Variants in ANK1 observed in about 807,000 individuals in gnomAD.
The protein encoded by ANK1 is ankyrin-1.
In ANK1, 51 loss-of-function variants were observed where a neutral mutation model predicts 210.4. That is an observed-to-expected ratio of 0.24 (90% confidence interval 0.19 to 0.31). The LOEUF (loss-of-function observed/expected upper bound fraction) is 0.31, where lower values mean the gene tolerates loss of function less well. Among genes scored for constraint, ANK1 ranks in the 10% least tolerant of loss-of-function variants. The pLI, the probability that ANK1 is intolerant of heterozygous loss-of-function variation, is 1.00. For synonymous variants in ANK1, 967 were observed against 1,025.9 expected (o/e 0.94, Z 1.10); for missense variants, 2,051 against 2,504.4 (o/e 0.82, Z 3.86).
intron 22 of ANK1, 103 bp downstream of exon 22, chr8:41,701,447 C>T (rs1445902533): frequency 1.3e-5 from 13 of 1,001,552 alleles, no homozygotes; most frequent in Non-Finnish European, 1.9e-5. Context: ...AGTGCTTGGG[C>T]GTGTTGTAAG....
intron 2 of ANK1, among the ~76,000 whole-genome samples, chr8:41,739,521 CTTTTTTTTT>C (rs71239075): frequency 8.6e-6 from 1 of 116,114 alleles, no homozygotes; most frequent in East Asian, 2.5e-4. Flanking sequence ...TTTTTTCTTT[CTTTTTTTTT>C]TTTTTTTTTG....
intron 6 of ANK1, among the ~76,000 whole-genome samples, chr8:41,724,792 C>T (rs1252507616): frequency 1.3e-5 from 2 of 152,054 alleles, no homozygotes; most frequent in East Asian, 1.9e-4. Context: ...TCTGTGGGCC[C>T]GTTCGTCAGA....
At chr8:41,686,951 G>A (rs766635832) in intron 35 of ANK1, among the ~76,000 whole-genome samples, 1 of 152,036 alleles carries the variant, frequency 6.6e-6, no homozygotes, top group African/African-American at 2.4e-5. Flanking sequence ...ATCAGAACAC[G>A]CACATACAAC....
chr8:41,825,817 T>C (rs938704497), intron 1 of ANK1, among the ~76,000 whole-genome samples: 5 of 152,162 alleles, frequency 3.3e-5, no homozygotes, highest in Non-Finnish European at 7.3e-5. Flanking sequence ...CTGATGGTTC[T>C]ATAAAGGGGA....
chr8:41,720,401 T>C (rs904930379), intron 9 of ANK1, among the ~76,000 whole-genome samples: 1 of 152,162 alleles, frequency 6.6e-6, no homozygotes, highest in African/African-American at 2.4e-5. Flanking sequence ...CTGTTCCTTG[T>C]CCCTATCAAA....
In ANK1 at chr8:41,702,070, C is replaced by T; in HGVS notation, c.2370G>A (p.Thr790=). 1 of 1,614,150 alleles carries T rather than the reference C, an allele frequency of 6.2e-7. No individual in the cohort carries two copies. Among genetic ancestry groups the T allele is most frequent in the Non-Finnish European group, 8.5e-7 (1 of 1,180,008 alleles). ...ISVTDVLKVV[T]DETSFVLVSD... ...GACATACCACGAAACTGGTTTCATC[C>T]GTGACGACCTTGAGCACGTCGGTGA... Residue 790 remains threonine, a synonymous_variant, in exon 21 of 43, where the codon ACG becomes ACA. Coordinates refer to ENST00000289734, the MANE Select transcript of ANK1 (RefSeq NM_000037.4).
chr8:41,795,177 T>A (rs1394609796), intron 1 of ANK1, among the ~76,000 whole-genome samples: 1 of 152,236 alleles, frequency 6.6e-6, no homozygotes, highest in Non-Finnish European at 1.5e-5. Flanking sequence ...GCAGAGACAC[T>A]GGCAGAACCA....
intron 1 of ANK1, among the ~76,000 whole-genome samples, chr8:41,849,809 T>C (rs1316246220): frequency 6.6e-6 from 1 of 152,212 alleles, no homozygotes; most frequent in Non-Finnish European, 1.5e-5. Flanking sequence ...TCTCTCTTCC[T>C]CTTAACTCTT....
chr8:41,769,407 C>T (rs941083189), intron 1 of ANK1, among the ~76,000 whole-genome samples: 3 of 152,170 alleles, frequency 2.0e-5, no homozygotes, highest in African/African-American at 7.2e-5. Flanking sequence ...ACAGAGAACT[C>T]CAATTAATAA....
intron 1 of ANK1, among the ~76,000 whole-genome samples, chr8:41,825,383 C>G (rs1159278681): frequency 6.6e-6 from 1 of 152,264 alleles, no homozygotes; most frequent in Admixed American, 6.5e-5. Context: ...CTCGCCAGCT[C>G]TGTCCCCCCT....
At chr8:41,838,767 A>AAAAAATAAT (rs374459221) in intron 1 of ANK1, among the ~76,000 whole-genome samples, 119 of 140,542 alleles carry the variant, frequency 8.5e-4, no homozygotes, top group African/African-American at 2.9e-3. Flanking sequence ...TCCGTCTCAA[A>AAAAAATAAT]AATAATAATA....
intron 1 of ANK1, among the ~76,000 whole-genome samples, chr8:41,772,551 C>T (rs925839255): frequency 2.0e-5 from 3 of 152,198 alleles, no homozygotes; most frequent in Non-Finnish European, 4.4e-5. Flanking sequence ...TCACTGCTTA[C>T]CCAGGGTCAA....
intron 1 of ANK1, among the ~76,000 whole-genome samples, chr8:41,844,033 C>G (rs1809532814): frequency 1.3e-5 from 2 of 152,244 alleles, no homozygotes; most frequent in South Asian, 4.1e-4. Context: ...CATCACCACA[C>G]CCAGCTACTT....
At chr8:41,699,648 C>T (rs1822138147) in intron 22 of ANK1, 100 bp from the exon 23 acceptor site, 3 of 1,125,124 alleles carry the variant, frequency 2.7e-6, no homozygotes, top group Admixed American at 3.5e-5. Context: ...GGGGCTTGCT[C>T]CTGAGGAGTG....
chr8:41,668,551 C>T lies in ANK1; in HGVS notation c.5110G>A (p.Asp1704Asn), dbSNP rs375339038. 1.9e-6 allele frequency: 3 copies of T among 1,613,262 alleles called. No individual in the cohort carries two copies. In the African/African-American group the frequency reaches 4.0e-5, roughly 22 times the overall value. Residue 1704 changes from aspartate (D) to asparagine (N), a missense_variant, in exon 39 of 43, where the codon GAT becomes AAT. This residue lies in a region of ANK1 where 496 missense variants were observed against 533.4 expected (regional missense o/e 0.93). Transcript: ENST00000289734. ...ERSQDRLQDW[D>N]ADGSIVSYLQ... ...TATGAGACAATCGAGCCGTCTGCAT[C>T]CCAGTCCTGCAGTCTGGGGTCCAGA... is the stretch of plus-strand genomic sequence containing the variant.
At position 41,694,654 on chromosome 8, in the gene ANK1, G is replaced by C; in HGVS notation, c.3265C>G (p.Pro1089Ala). The change falls in exon 28 of 43, where the codon CCC becomes GCC. Residue 1089 changes from proline to alanine, a missense_variant. Around this residue, in one of 6 missense-constraint regions of ANK1, gnomAD observed 1,413 missense variants for 1,707.4 expected, o/e 0.83. Coordinates refer to ENST00000289734, the MANE Select transcript of ANK1 (RefSeq NM_000037.4). The surrounding 1 kb of genome is among the most constrained non-coding windows in gnomAD (Gnocchi z 5.7). ...TCCGGGAACGTTGCCTGTACCAGGG[G>C]CACCAGCTTGCTCTTCAGGGAGCCC... The part of the protein sequence containing the change: ...EGGSLKSKLV[P>A]LVQATFPENA... 6.2e-7 allele frequency: 1 copy of C among 1,614,116 alleles called. No individual in the cohort carries two copies. Among genetic ancestry groups the C allele is most frequent in the South Asian group, 1.1e-5 (1 of 91,076 alleles).
chr8:41,711,432 T>C (rs1168250651), intron 16 of ANK1, among the ~76,000 whole-genome samples: 5 of 152,216 alleles, frequency 3.3e-5, no homozygotes, highest in African/African-American at 2.4e-5. Context: ...GGCATTCATG[T>C]TAAAAGAGAT....
chr8:41,845,348 C>T lies in ANK1; in HGVS notation c.126+51007G>A, dbSNP rs531586363. 5.2e-4 allele frequency among the ~76,000 whole-genome samples: 78 copies of T among 151,352 alleles called. No homozygotes were observed. In the East Asian group the frequency reaches 0.012, roughly 24 times the overall value. On this transcript the variant is annotated intron_variant, in intron 1 of 42. Transcript: ENST00000265709. The stretch of plus-strand genomic sequence containing the variant: ...AGGTTGTAGTTTGCCAAGATCACAC[C>T]ACTGCACTCCAGCCTGGGTGACAGA...
intron 1 of ANK1, among the ~76,000 whole-genome samples, chr8:41,774,760 C>T (rs78079105): frequency 1.3e-5 from 2 of 152,244 alleles, no homozygotes; most frequent in South Asian, 2.1e-4. Context: ...CCCTGGCCCA[C>T]GCCGCAGAGC....
Sources: allele counts gnomAD v4.1 joint callset (sites outside exome capture counted in the v4.1 genomes callset), GRCh38; gene constraint gnomAD v4.1.1; regional missense constraint gnomAD v4.1.1; non-coding constraint Gnocchi (gnomAD v3.1); transcripts MANE v1.5; gene names NCBI Gene and HGNC (gene_info 2026-07-23, HGNC 2026-07-21).